FOXK2: variants seen among roughly 807,000 people sequenced by gnomAD.
The protein encoded by FOXK2 is forkhead box protein K2.
Under a neutral mutation model 53.3 loss-of-function variants are expected in FOXK2, and 24 were observed. That is an observed-to-expected ratio of 0.45 (90% CI 0.33 to 0.63). The LOEUF is 0.63. FOXK2 is among the 30% of genes least tolerant of loss of function. FOXK2 has a pLI of 0.03. For missense variants in FOXK2, 952 were observed against 910.5 expected, an observed-to-expected ratio of 1.05 and a Z score of -0.59; for synonymous variants, 505 against 407.1, an observed-to-expected ratio of 1.24 and a Z score of -2.89.
At chr17:82,527,634 C>T (rs893061592) in intron 1 of FOXK2, among the ~76,000 whole-genome samples, 3 of 152,012 alleles carry the variant, frequency 2.0e-5, no homozygotes, top group East Asian at 1.9e-4. Context: ...GTCTCAAAAC[C>T]GAAGATATTC....
At chr17:82,526,859 G>A (rs1322477232) in intron 1 of FOXK2, among the ~76,000 whole-genome samples, 1 of 151,844 alleles carries the variant, frequency 6.6e-6, no homozygotes, top group Non-Finnish European at 1.5e-5. Context: ...AAGAAATGGA[G>A]TTGAGGCCTG....
chr17:82,593,741 T>G (rs1337946385), intron 8 of FOXK2: 1 of 152,272 alleles, frequency 6.6e-6, no homozygotes, highest in African/African-American at 2.4e-5. Context: ...CAGCCAGATT[T>G]GGGGTGAGGA....
intron 1 of FOXK2, among the ~76,000 whole-genome samples, chr17:82,542,843 C>A (rs1171472025): frequency 6.6e-6 from 1 of 151,976 alleles, no homozygotes; most frequent in Non-Finnish European, 1.5e-5. Context: ...ATAGTAGGAC[C>A]CTGTCTGTAC....
Position 82,603,908 on chromosome 17 carries a change from C to G in FOXK2, c.*2409C>G, listed in dbSNP as rs1300064455. ...AGAGCAGTAACAAACCATAGATGAGCAGACTCCCACACCGGGTTTTCTTGC... is the reference window on the plus strand; with the variant it reads ...AGAGCAGTAACAAACCATAGATGAGGAGACTCCCACACCGGGTTTTCTTGC... On this transcript the variant is annotated 3_prime_UTR_variant, in exon 9 of 9. Coordinates refer to ENST00000335255, the MANE Select transcript of FOXK2 (RefSeq NM_004514.4). 1 of 152,152 alleles carries G rather than the reference C, an allele frequency of 6.6e-6. No homozygotes were observed. The highest frequency in any genetic ancestry group is 1.5e-5 in the Non-Finnish European group (1 of 68,038). 9.4% of individuals were successfully genotyped at this position (152,152 alleles called of 1,614,324 possible).
chr17:82,573,065 C>T (rs1340632413), intron 4 of FOXK2, among the ~76,000 whole-genome samples: 10 of 152,010 alleles, frequency 6.6e-5, no homozygotes, highest in African/African-American at 1.7e-4. Flanking sequence ...TGGTGGCTTA[C>T]GCTTGTAGTC....
intron 8 of FOXK2, among the ~76,000 whole-genome samples, chr17:82,597,504 C>T (rs551895350): frequency 6.6e-6 from 1 of 152,342 alleles, no homozygotes; most frequent in South Asian, 2.1e-4. Context: ...CTGCTGAGAC[C>T]TCTGCTTCAG....
chr17:82,554,465 C>T (rs1486395986), intron 1 of FOXK2, among the ~76,000 whole-genome samples: 4 of 152,184 alleles, frequency 2.6e-5, no homozygotes, highest in Non-Finnish European at 5.9e-5. Context: ...ATGAGAGAGC[C>T]AGGCTGGGAG....
chr17:82,576,664 A>G, intron 4 of FOXK2: 1 of 1,163,446 alleles, frequency 8.6e-7, no homozygotes, highest in East Asian at 2.4e-5. Flanking sequence ...TGACACAACG[A>G]AGTCACCACT....
At chr17:82,542,697 A>G (rs914523295) in intron 1 of FOXK2, among the ~76,000 whole-genome samples, 1 of 152,136 alleles carries the variant, frequency 6.6e-6, no homozygotes, top group African/African-American at 2.4e-5. Context: ...GAGTGCGGCC[A>G]AAGCAGTATT....
chr17:82,587,188 C>T lies in FOXK2; in HGVS notation c.1702C>T (p.His568Tyr). The T allele has an allele frequency of 6.2e-7, 1 of 1,613,094 alleles. No individual in the cohort carries two copies. The change falls in exon 8 of 9, where the codon CAC becomes TAC. Residue 568 changes from histidine (H) to tyrosine (Y), a missense_variant. By Grantham distance (83) the His-to-Tyr change is moderately conservative (BLOSUM62 2). Transcript: ENST00000335255. ...TIVQQAPLGQHQLPIKTVTQN... is the reference protein window; with the variant it reads ...TIVQQAPLGQYQLPIKTVTQN... ...AGTACAACAGGCACCTCTAGGTCAA[C>T]ACCAGCTACCAATAAAAACTGTAAC...
chr17:82,596,104 C>A (rs1407494644), intron 8 of FOXK2: 1 of 1,059,052 alleles, frequency 9.4e-7, no homozygotes, highest in Non-Finnish European at 1.1e-6. Flanking sequence ...CGGTTGAGGC[C>A]ACACCTGCGG....
intron 2 of FOXK2, among the ~76,000 whole-genome samples, chr17:82,565,188 G>T (rs542823884): frequency 1.3e-5 from 2 of 152,266 alleles, no homozygotes; most frequent in South Asian, 4.1e-4. Context: ...ATGGATCAAA[G>T]ACCTAAATGT....
At chr17:82,581,845 A>G (rs1211127452) in intron 4 of FOXK2, among the ~76,000 whole-genome samples, 1 of 152,110 alleles carries the variant, frequency 6.6e-6, no homozygotes, top group African/African-American at 2.4e-5. Context: ...CCTGACCTCA[A>G]CTGAGCCGCT....
rs1221559344 is a variant in FOXK2 at position 82,594,741 on chromosome 17, T to A, written c.1787-6562T>A. On this transcript the variant is annotated intron_variant, in intron 8 of 8. Transcript: ENST00000335255. ...AGATGGACTCGCAGAGGAACTTAGT[T>A]CTTTCCCTAAAGGAGTAGGAACAGC... is the stretch of plus-strand genomic sequence containing the variant. 2.0e-5 allele frequency among the ~76,000 whole-genome samples: 3 copies of A among 152,218 alleles called. No individual in the cohort carries two copies. In the South Asian group the frequency reaches 6.2e-4, roughly 32 times the overall value.
At chr17:82,573,558 T>TCTCTCTCA (rs2044945825) in intron 4 of FOXK2, among the ~76,000 whole-genome samples, 1 of 90,656 alleles carries the variant, frequency 1.1e-5, no homozygotes, top group African/African-American at 4.6e-5. Context: ...TCTCTCTCTC[T>TCTCTCTCA]CTCTCACACA....
chr17:82,526,843 A>AG (rs1237673623), intron 1 of FOXK2, among the ~76,000 whole-genome samples: 1 of 152,008 alleles, frequency 6.6e-6, no homozygotes, highest in East Asian at 1.9e-4. Context: ...AAAAAAAAAA[A>AG]AAAGAAAGAA....
At chr17:82,592,878 C>T (rs549402859) in intron 8 of FOXK2, among the ~76,000 whole-genome samples, 139 of 142,934 alleles carry the variant, frequency 9.7e-4, no homozygotes, top group Non-Finnish European at 1.7e-3. Context: ...AAGCAGACCC[C>T]GTGAAGGTCT....
chr17:82,586,974 A>T, intron 7 of FOXK2, 89 bp from the exon 8 acceptor site: 2 of 1,160,150 alleles, frequency 1.7e-6, no homozygotes, highest in Non-Finnish European at 2.6e-6. Context: ...AGCAGGTGTG[A>T]TAGCTATCTG....
At chr17:82,547,586 ATATAT>A (rs1161039560) in intron 1 of FOXK2, among the ~76,000 whole-genome samples, 2 of 152,170 alleles carry the variant, frequency 1.3e-5, no homozygotes, top group Non-Finnish European at 2.9e-5. Flanking sequence ...TAATTTATAC[ATATAT>A]TAATATATTG....
Sources: gnomAD v4.1 joint callset for allele counts (sites outside exome capture counted in the v4.1 genomes callset) on GRCh38, gnomAD v4.1.1 for gene constraint, MANE v1.5 for transcripts, NCBI Gene and HGNC (gene_info 2026-07-23, HGNC 2026-07-21) for gene names.